ZSCAN18: variants seen among roughly 807,000 people sequenced by gnomAD.
The protein encoded by ZSCAN18 is zinc finger and SCAN domain containing 18, also known as zinc finger and SCAN domain-containing protein 18.
Under a neutral mutation model 31.1 loss-of-function variants are expected in ZSCAN18, and 16 were observed. That is an observed-to-expected ratio of 0.51 (90% CI 0.35 to 0.78). ZSCAN18 has a LOEUF of 0.78. Among genes scored for constraint, ZSCAN18 ranks in the 30% least tolerant of loss-of-function variants. The pLI is 0.01. For synonymous variants in ZSCAN18, 375 were observed against 320.7 expected (o/e 1.17, Z -1.81); for missense variants, 731 against 697.4 (o/e 1.05, Z -0.54).
chr19:58,117,600 GGTT>G (rs1207406375), intron 1 of ZSCAN18, among the ~76,000 whole-genome samples: 1 of 152,050 alleles, frequency 6.6e-6, no homozygotes, highest in East Asian at 1.9e-4. Context: ...AAGCAGAATA[GGTT>G]GTTCAAGCCC....
exon 1 of ZSCAN18, chr19:58,118,288 C>A: frequency 1.3e-6 from 2 of 1,500,800 alleles, no homozygotes; most frequent in Non-Finnish European, 1.8e-6. Flanking sequence ...CTTGGCTCCG[C>A]GACCGGTGGG....
In ZSCAN18 at chr19:58,092,193, T is replaced by C. The variant is rs376957333; in HGVS notation, c.-119-1807A>G. Among the ~76,000 whole-genome samples, 15 of 152,170 alleles carry C rather than the reference T, an allele frequency of 9.9e-5. 1 individual carries two copies. In the East Asian group the frequency reaches 1.2e-3, roughly 12 times the overall value. ...AATGCTCAACGGTGAGTACTGCATA[T>C]TAAAAACCAATGAACTGTCCACTTT... On this transcript the variant is annotated intron_variant, in intron 1 of 6. Transcript: ENST00000601144.
chr19:58,115,184 G>A (rs1232464757), intron 1 of ZSCAN18, among the ~76,000 whole-genome samples: 3 of 152,210 alleles, frequency 2.0e-5, no homozygotes, highest in African/African-American at 7.2e-5. Flanking sequence ...CCCTCTAGCT[G>A]CTCCCAGTGG....
At position 58,085,019 on chromosome 19, in the gene ZSCAN18, G is replaced by A. The variant is rs747193374; in HGVS notation, c.1199C>T (p.Pro400Leu). The A allele has an allele frequency of 1.3e-6, 2 of 1,590,858 alleles. No homozygotes were observed. The highest frequency in any genetic ancestry group is 1.7e-6 in the Non-Finnish European group (2 of 1,168,528). Residue 400 changes from proline (P) to leucine (L), a missense_variant, in exon 7 of 7, where the codon CCT becomes CTT. Coordinates refer to ENST00000601144, the MANE Select transcript of ZSCAN18 (RefSeq NM_001145543.2). ...GGACAAGCCCGGCTCGTCAGCCCCA[G>A]GGCCCTGCCCGGCCTCCAGCCCTGC... ...DSAGLEAGQG[P>L]GADEPGLSRG...
chr19:58,091,824 C>T (rs571686078), intron 1 of ZSCAN18, among the ~76,000 whole-genome samples: 29 of 152,282 alleles, frequency 1.9e-4, no homozygotes, highest in African/African-American at 6.0e-4. Context: ...TCCCAGGAAC[C>T]GCCTGGGTCT....
intron 2 of ZSCAN18, 31 bp downstream of exon 2, chr19:58,089,834 T>A (rs771720463): frequency 5.1e-6 from 8 of 1,581,090 alleles, no homozygotes; most frequent in Non-Finnish European, 6.9e-6. Context: ...CCATCTCCTC[T>A]GAGCCATGCT....
In ZSCAN18 at chr19:58,097,200, G is replaced by C. The variant is rs116392361; in HGVS notation, c.-120+974C>G. On this transcript the variant is annotated intron_variant, in intron 1 of 6. Transcript: ENST00000601144. ...AGGCGAATATATGGGAAAGTGGAAG[G>C]AGGGCAGACAGAAATGGGGGAAGCG... Among the ~76,000 whole-genome samples, 1,230 of 152,246 alleles carry C rather than the reference G, an allele frequency of 8.1e-3. 27 individuals are homozygous for C. Among genetic ancestry groups the C allele is most frequent in the African/African-American group, 0.027 (1,127 of 41,534 alleles).
chr19:58,092,178 G>A (rs1394395813), intron 1 of ZSCAN18, among the ~76,000 whole-genome samples: 1 of 152,046 alleles, frequency 6.6e-6, no homozygotes, highest in African/African-American at 2.4e-5. Context: ...AATGCTCAAC[G>A]GTGAGTACTG....
intron 1 of ZSCAN18, among the ~76,000 whole-genome samples, chr19:58,118,091 C>A (rs1190636864): frequency 6.6e-6 from 1 of 151,994 alleles, no homozygotes; most frequent in African/African-American, 2.4e-5. Context: ...AGAAGACACG[C>A]GGGACGGTCC....
chr19:58,084,990 C>A lies in ZSCAN18; in HGVS notation c.1228G>T (p.Gly410Trp). ...PGADEPGLSR[G>W]KPYACGECGE... ...CACTCGCCGCAGGCATAGGGCTTCCCGCGGGACAAGCCCGGCTCGTCAGCC... is the reference window on the plus strand; with the variant it reads ...CACTCGCCGCAGGCATAGGGCTTCCAGCGGGACAAGCCCGGCTCGTCAGCC... Residue 410 changes from glycine (G) to tryptophan (W), a missense_variant, in exon 7 of 7, where the codon GGG (glycine) becomes TGG (tryptophan). Coordinates refer to ENST00000601144, the MANE Select transcript of ZSCAN18 (RefSeq NM_001145543.2). The surrounding 1 kb of genome is among the most constrained non-coding windows in gnomAD (Gnocchi z 4.5). The A allele has an allele frequency of 6.3e-7, 1 of 1,596,824 alleles. No individual in the cohort carries two copies. Among genetic ancestry groups the A allele is most frequent in the South Asian group, 1.1e-5 (1 of 88,952 alleles).
intron 1 of ZSCAN18, among the ~76,000 whole-genome samples, chr19:58,103,237 G>C (rs12977390): frequency 6.6e-6 from 1 of 152,042 alleles, no homozygotes; most frequent in Non-Finnish European, 1.5e-5. Context: ...AAGGAAATAC[G>C]GTAAGTCTTT....
chr19:58,086,148 C>G, intron 6 of ZSCAN18, 26 bp downstream of exon 6: 1 of 1,612,224 alleles, frequency 6.2e-7, no homozygotes, highest in Non-Finnish European at 8.5e-7. Flanking sequence ...CCACCCGGCC[C>G]TAACACCAAT....
upstream of ZSCAN18, among the ~76,000 whole-genome samples, chr19:58,100,208 G>A (rs1388406300): frequency 6.6e-6 from 1 of 151,918 alleles, no homozygotes; most frequent in Non-Finnish European, 1.5e-5. Flanking sequence ...TCCCACCATG[G>A]CCTCCCAAAG....
rs955414984 is a variant in ZSCAN18, at chr19:58,090,176, T to C, written c.92A>G (p.Gln31Arg). The stretch of plus-strand genomic sequence containing the variant: ...CTCAGGGATGGTCTCGGGTTCTTCC[T>C]GCTGGACTCCGGCTGCTGACCCCGG... The part of the protein sequence containing the change: ...PTPGSAAGVQ[Q>R]EEPETIPERT... Residue 31 changes from glutamine to arginine, a missense_variant, in exon 2 of 7, where the codon CAG becomes CGG. This residue lies in a region of ZSCAN18 where 86 missense variants were observed against 119.1 expected (regional missense o/e 0.72). Coordinates refer to ENST00000601144, the MANE Select transcript of ZSCAN18 (RefSeq NM_001145543.2). The surrounding 1 kb of genome is among the most constrained non-coding windows in gnomAD (Gnocchi z 4.7). 5 of 1,613,766 alleles carry C rather than the reference T, an allele frequency of 3.1e-6. No individual in the cohort carries two copies. Among genetic ancestry groups the C allele is most frequent in the Non-Finnish European group, 4.2e-6 (5 of 1,179,968 alleles).
intron 1 of ZSCAN18, chr19:58,118,260 AC>A (rs1568648486): frequency 2.1e-6 from 3 of 1,408,926 alleles, no homozygotes; most frequent in Non-Finnish European, 1.9e-6. Context: ...GGAGTCCTTG[AC>A]CCCACCCTCA....
intron 1 of ZSCAN18, among the ~76,000 whole-genome samples, chr19:58,112,247 C>G (rs1210754989): frequency 6.6e-6 from 1 of 152,146 alleles, no homozygotes; most frequent in Non-Finnish European, 1.5e-5. Context: ...TTTGCCTAGT[C>G]TGGTCTCAAA....
rs753286903 is a variant in ZSCAN18, at chr19:58,087,384, G to T, written c.574C>A (p.Leu192Met). 19 of 1,602,580 alleles carry T rather than the reference G, an allele frequency of 1.2e-5. No individual in the cohort carries two copies. The South Asian group carries it at 2.0e-4, about 17-fold the overall frequency. The change falls in exon 4 of 7, where the codon CTG becomes ATG. Residue 192 changes from leucine to methionine, a missense_variant. This residue lies in a region of ZSCAN18 where 597 missense variants were observed against 499.5 expected (regional missense o/e 1.20). Coordinates refer to ENST00000601144, the MANE Select transcript of ZSCAN18 (RefSeq NM_001145543.2). ...SETPWLSPDP[L>M]FLEQRRVREA... The stretch of plus-strand genomic sequence containing the variant: ...CTGACCCTCCTCTGTTCCAGAAACA[G>T]GGGGTCCGGAGAAAGCCAGGCTGGG...
Position 58,090,651 on chromosome 19 carries a change from G to C in ZSCAN18, c.-119-265C>G, listed in dbSNP as rs570775577. Reference sequence around the variant, plus strand: ...GTCACCCAAGCTGGAGTGCAGTGGCGCAATCTCGGCTCAATGCAACCTCTA... The same window carrying C: ...GTCACCCAAGCTGGAGTGCAGTGGCCCAATCTCGGCTCAATGCAACCTCTA... On this transcript the variant is annotated intron_variant, in intron 1 of 6. Coordinates refer to ENST00000601144, the MANE Select transcript of ZSCAN18 (RefSeq NM_001145543.2). The surrounding 1 kb of genome is among the most constrained non-coding windows in gnomAD (Gnocchi z 4.7). 25 of 329,802 alleles carry C rather than the reference G, an allele frequency of 7.6e-5. No individual in the cohort carries two copies. The highest frequency in any genetic ancestry group is 5.0e-5 in the Non-Finnish European group (9 of 181,032). 20.4% of individuals were successfully genotyped at this position (329,802 alleles called of 1,614,324 possible).
intron 1 of ZSCAN18, chr19:58,108,139 T>C (rs755191552): frequency 7.3e-5 from 72 of 987,138 alleles, no homozygotes; most frequent in Non-Finnish European, 8.3e-5. Context: ...AGCTGACTGT[T>C]GTGGTTGGAG....
Sources: allele counts gnomAD v4.1 joint callset (sites outside exome capture counted in the v4.1 genomes callset), GRCh38; gene constraint gnomAD v4.1.1; regional missense constraint gnomAD v4.1.1; non-coding constraint Gnocchi (gnomAD v3.1); transcripts MANE v1.5; gene names NCBI Gene and HGNC (gene_info 2026-07-23, HGNC 2026-07-21).